Variants in SLCO6A1 observed in about 807,000 individuals in gnomAD.
SLCO6A1 encodes solute carrier organic anion transporter family member 6A1.
Under a neutral mutation model 72.7 loss-of-function variants are expected in SLCO6A1, and 65 were observed. That is an observed-to-expected ratio of 0.89 (90% confidence interval 0.73 to 1.10). SLCO6A1 has a LOEUF of 1.10. SLCO6A1 is among the 50% of genes least tolerant of loss of function. The pLI is 0.00. For synonymous variants in SLCO6A1, 314 were observed against 298.2 expected, an observed-to-expected ratio of 1.05 and a Z score of -0.55; for missense variants, 874 against 872.6, an observed-to-expected ratio of 1.00 and a Z score of -0.02.
intron 6 of SLCO6A1, among the ~76,000 whole-genome samples, chr5:102,455,936 C>T (rs1214986923): frequency 2.0e-5 from 3 of 152,154 alleles, no homozygotes; most frequent in Non-Finnish European, 2.9e-5. Context: ...CCCTGGGATG[C>T]AAGGCTGGTA....
intron 1 of SLCO6A1, 92 bp downstream of exon 1, chr5:102,498,395 C>G: frequency 7.7e-7 from 1 of 1,292,546 alleles, no homozygotes; most frequent in Non-Finnish European, 1.1e-6. Flanking sequence ...GCTGGGCCAC[C>G]CCAGGGCGTC....
intron 9 of SLCO6A1, among the ~76,000 whole-genome samples, chr5:102,400,289 A>C (rs1747327385): frequency 6.6e-6 from 1 of 152,112 alleles, no homozygotes; most frequent in East Asian, 1.9e-4. Context: ...TTTAAAATCA[A>C]AGAAAAAAGT....
At chr5:102,448,468 G>T (rs768747731) in intron 6 of SLCO6A1, among the ~76,000 whole-genome samples, 3 of 152,138 alleles carry the variant, frequency 2.0e-5, no homozygotes. Flanking sequence ...TGTCAGTGGG[G>T]TGTTGAAGTC....
chr5:102,457,630 A>C (rs1182020385), intron 6 of SLCO6A1, among the ~76,000 whole-genome samples: 2 of 152,218 alleles, frequency 1.3e-5, no homozygotes, highest in East Asian at 1.9e-4. Context: ...GTGGAGAAAT[A>C]GGAACACTTT....
chr5:102,457,179 A>C (rs889281650), intron 6 of SLCO6A1, among the ~76,000 whole-genome samples: 2 of 152,258 alleles, frequency 1.3e-5, no homozygotes, highest in South Asian at 2.1e-4. Flanking sequence ...TACCATTCAG[A>C]ACATAGGCAT....
chr5:102,478,013 T>C lies in SLCO6A1; in HGVS notation c.617-152A>G, dbSNP rs914264055. ...TCATTTACATTGAATGTAGTAGTAC[T>C]GCAATCAATCATCATGTTCTCAGAA... On this transcript the variant is annotated intron_variant, in intron 2 of 13. Transcript: ENST00000506729. The C allele has an allele frequency of 1.1e-5, 8 of 740,788 alleles. No individual in the cohort carries two copies. The Admixed American group carries it at 2.3e-4, about 22-fold the overall frequency. The allele number at this position is 740,788 out of a possible 1,614,324, so 45.9% of individuals were successfully genotyped here.
chr5:102,493,450 T>A (rs2112868422), intron 1 of SLCO6A1, among the ~76,000 whole-genome samples: 1 of 152,246 alleles, frequency 6.6e-6, no homozygotes, highest in East Asian at 1.9e-4. Context: ...TCAACACCAA[T>A]TAATGACAAA....
At chr5:102,461,165 T>C (rs924785283) in intron 4 of SLCO6A1, among the ~76,000 whole-genome samples, 4 of 151,632 alleles carry the variant, frequency 2.6e-5, no homozygotes, top group African/African-American at 9.7e-5. Context: ...AAACTATCAA[T>C]TGGGAAAAAC....
At position 102,427,840 on chromosome 5, in the gene SLCO6A1, GTATACATATATA is replaced by G. The variant is rs1324608752; in HGVS notation, c.1277-7831_1277-7820del. On this transcript the variant is annotated intron_variant, in intron 7 of 13. Transcript: ENST00000506729. ...AAACCCCCTCTCTCTGTGTGTGTAT[GTATACATATATA>G]TATATATATATATTTTTTTTTTTTT... is the stretch of plus-strand genomic sequence containing the variant. 1.2e-3 allele frequency among the ~76,000 whole-genome samples: 121 copies of G among 102,722 alleles called. 2 individuals carry two copies. The highest frequency in any genetic ancestry group is 4.0e-3 in the African/African-American group (115 of 28,602). The allele number at this position is 102,722 out of a possible 152,430, so 67.4% of individuals were successfully genotyped here.
At chr5:102,431,957 T>C (rs1329841022) in intron 7 of SLCO6A1, among the ~76,000 whole-genome samples, 1 of 152,216 alleles carries the variant, frequency 6.6e-6, no homozygotes, top group African/African-American at 2.4e-5. Flanking sequence ...TAGGTCTTCT[T>C]GTTGAATTGA....
chr5:102,374,104 C>A (rs181665533), intron 12 of SLCO6A1, among the ~76,000 whole-genome samples: 2 of 151,130 alleles, frequency 1.3e-5, no homozygotes, highest in East Asian at 3.9e-4. Context: ...GTGGCACGAT[C>A]TTGGCTTACT....
At chr5:102,479,600 C>G (rs1752083212) in intron 2 of SLCO6A1, among the ~76,000 whole-genome samples, 1 of 152,076 alleles carries the variant, frequency 6.6e-6, no homozygotes, top group East Asian at 1.9e-4. Context: ...TTCACTATCC[C>G]AATGTCCCCT....
At position 102,425,606 on chromosome 5, in the gene SLCO6A1, C is replaced by G. The variant is rs549682716; in HGVS notation, c.1277-5585G>C. 4.6e-5 allele frequency among the ~76,000 whole-genome samples: 7 copies of G among 152,178 alleles called. No individual in the cohort carries two copies. The South Asian group carries it at 8.3e-4, about 18-fold the overall frequency. On this transcript the variant is annotated intron_variant, in intron 7 of 13. Coordinates refer to ENST00000506729, the MANE Select transcript of SLCO6A1 (RefSeq NM_173488.5). Reference sequence around the variant, plus strand: ...TCAAGGAGAACTACAAACCACTGCTCAAGGAAATAAGAGAGGACAGAAGCA... The same window carrying G: ...TCAAGGAGAACTACAAACCACTGCTGAAGGAAATAAGAGAGGACAGAAGCA...
At chr5:102,392,187 C>T (rs907948113) in intron 10 of SLCO6A1, among the ~76,000 whole-genome samples, 7 of 151,828 alleles carry the variant, frequency 4.6e-5, no homozygotes, top group Non-Finnish European at 1.0e-4. Context: ...ATAATTCTAC[C>T]CATATCAACC....
intron 9 of SLCO6A1, among the ~76,000 whole-genome samples, chr5:102,410,531 T>G (rs755709104): frequency 2.0e-5 from 3 of 152,142 alleles, no homozygotes; most frequent in Non-Finnish European, 2.9e-5. Flanking sequence ...TCTATGCTAT[T>G]TAAAAGGTGA....
chr5:102,418,768 C>T (rs1255356540), intron 8 of SLCO6A1, among the ~76,000 whole-genome samples: 2 of 152,044 alleles, frequency 1.3e-5, no homozygotes, highest in Non-Finnish European at 2.9e-5. Flanking sequence ...TTCCTTTACC[C>T]AGCACACTCT....
rs147389374 is a variant in SLCO6A1, at chr5:102,437,341, T to C, written c.1276+1276A>G. Among the ~76,000 whole-genome samples the C allele has an allele frequency of 5.3e-5, 8 of 152,300 alleles. No homozygotes were observed. The East Asian group carries it at 1.5e-3, about 29-fold the overall frequency. ...ATCTCAGGCTAAGTGGAAAGGTCAG[T>C]AGAGAAACTTAAGGAGAAAGCCACC... On this transcript the variant is annotated intron_variant, in intron 7 of 13. Transcript: ENST00000506729.
intron 11 of SLCO6A1, among the ~76,000 whole-genome samples, chr5:102,389,146 A>G (rs1356472753): frequency 6.6e-6 from 1 of 152,210 alleles, no homozygotes; most frequent in African/African-American, 2.4e-5. Flanking sequence ...TACTTAAAAC[A>G]GAGATACCAA....
chr5:102,397,011 T>C (rs994804829), intron 10 of SLCO6A1, among the ~76,000 whole-genome samples: 2 of 152,188 alleles, frequency 1.3e-5, no homozygotes, highest in African/African-American at 4.8e-5. Context: ...ACTCTCTTAA[T>C]ATTGTTACAG....
Sources: gnomAD v4.1 joint callset for allele counts (sites outside exome capture counted in the v4.1 genomes callset) on GRCh38, gnomAD v4.1.1 for gene constraint, MANE v1.5 for transcripts, NCBI Gene and HGNC (gene_info 2026-07-23, HGNC 2026-07-21) for gene names.